The following ASIC2 variants were observed in gnomAD, a reference collection of about 807,000 sequenced individuals.
ASIC2 encodes the protein acid-sensing ion channel 2.
Under a neutral mutation model 57.3 loss-of-function variants are expected in ASIC2, and 25 were observed. The observed-to-expected ratio is 0.44, with a 90% CI of 0.32 to 0.61. The LOEUF (loss-of-function observed/expected upper bound fraction) is 0.61. Among genes scored for constraint, ASIC2 ranks in the 20% least tolerant of loss-of-function variants. The pLI is 0.06. For missense variants in ASIC2, 641 were observed against 738.1 expected (o/e 0.87, Z 1.52); for synonymous variants, 319 against 307.5 (o/e 1.04, Z -0.39).
At chr17:33,138,733 A>G (rs559250970) in intron 1 of ASIC2, among the ~76,000 whole-genome samples, 1 of 145,692 alleles carries the variant, frequency 6.9e-6, no homozygotes, top group South Asian at 2.3e-4. Context: ...TTTGATTTTT[A>G]GACATGCCAG....
At chr17:34,002,198 T>C (rs960878601) in intron 1 of ASIC2, 2 of 152,262 alleles carry the variant, frequency 1.3e-5, no homozygotes, top group African/African-American at 4.8e-5. Context: ...AAACCACATT[T>C]CTGCTTTTCC....
intron 1 of ASIC2, among the ~76,000 whole-genome samples, chr17:33,270,364 C>G (rs1904435661): frequency 6.6e-6 from 1 of 152,326 alleles, no homozygotes; most frequent in South Asian, 2.1e-4. Flanking sequence ...TCCCTGGCTT[C>G]TCTCCTTGCC....
chr17:33,599,937 A>G (rs1784147680), intron 1 of ASIC2, among the ~76,000 whole-genome samples: 1 of 152,010 alleles, frequency 6.6e-6, no homozygotes. Flanking sequence ...GTAACCCTTG[A>G]TTCTTCTTTT....
At chr17:34,018,982 A>G (rs1324443424) in intron 1 of ASIC2, among the ~76,000 whole-genome samples, 1 of 151,772 alleles carries the variant, frequency 6.6e-6, no homozygotes, top group Non-Finnish European at 1.5e-5. Context: ...ATCTTGGCTC[A>G]CTGCAAGCTC....
intron 1 of ASIC2, among the ~76,000 whole-genome samples, chr17:34,138,733 C>T (rs73988505): frequency 0.048 from 7,300 of 152,210 alleles, 568 homozygotes; most frequent in African/African-American, 0.17. Context: ...GCCTTGACTA[C>T]GGCTGAGTGG....
chr17:33,239,607 G>A (rs1908429710), intron 1 of ASIC2, among the ~76,000 whole-genome samples: 1 of 152,186 alleles, frequency 6.6e-6, no homozygotes, highest in Admixed American at 6.5e-5. Context: ...ATAAATAAAT[G>A]AGGATTCTTA....
intron 1 of ASIC2, among the ~76,000 whole-genome samples, chr17:33,237,855 C>T (rs1908354196): frequency 1.3e-5 from 2 of 152,180 alleles, no homozygotes; most frequent in Non-Finnish European, 2.9e-5. Context: ...TTCTGGGAGT[C>T]TCAGTCTTCT....
chr17:33,418,028 ATGTGTGTGTGTGTG>A lies in ASIC2; in HGVS notation c.556-305975_556-305962del, dbSNP rs1161141315. On this transcript the variant is annotated intron_variant, in intron 1 of 9. Coordinates refer to the ASIC2 transcript ENST00000359872. ...CCACTCTGGCTCTCAGCATGTATGT[ATGTGTGTGTGTGTG>A]TGTGTGTGTGTGTGTGTGTGTGTGT... Among the ~76,000 whole-genome samples the A allele has an allele frequency of 1.0e-3, 70 of 67,828 alleles. No individual in the cohort carries two copies. In the South Asian group the frequency reaches 0.02, roughly 19 times the overall value. 44.5% of individuals were successfully genotyped at this position (67,828 alleles called of 152,430 possible). A position where few individuals can be genotyped will look rare whatever the true frequency, so the allele number is the denominator to read the frequency against.
intron 1 of ASIC2, among the ~76,000 whole-genome samples, chr17:33,256,547 C>T (rs952181988): frequency 2.0e-5 from 3 of 152,140 alleles, no homozygotes; most frequent in Admixed American, 6.5e-5. Context: ...TAGGGCCAGG[C>T]ACGGTGGCTC....
intron 1 of ASIC2, among the ~76,000 whole-genome samples, chr17:33,765,273 T>A (rs1361419750): frequency 6.6e-6 from 1 of 150,726 alleles, no homozygotes; most frequent in Admixed American, 6.6e-5. Context: ...GCCCAGCTAA[T>A]TTTTTTTTGT....
intron 1 of ASIC2, among the ~76,000 whole-genome samples, chr17:34,059,906 C>A (rs144185239): frequency 6.6e-5 from 10 of 152,314 alleles, no homozygotes; most frequent in Non-Finnish European, 1.5e-4. Flanking sequence ...TGTTCCCTAC[C>A]CACCCTGGTA....
chr17:33,074,890 G>A (rs1483864911), intron 3 of ASIC2, among the ~76,000 whole-genome samples: 2 of 152,200 alleles, frequency 1.3e-5, no homozygotes, highest in South Asian at 2.1e-4. Flanking sequence ...GATGGTGAGC[G>A]TGGTGGCTCC....
chr17:34,126,432 C>G (rs555556605), intron 1 of ASIC2, among the ~76,000 whole-genome samples: 1 of 152,266 alleles, frequency 6.6e-6, no homozygotes, highest in South Asian at 2.1e-4. Flanking sequence ...GCCTGCTTTT[C>G]CCAGACTCCA....
chr17:33,849,827 CT>C (rs1357215004), intron 1 of ASIC2, among the ~76,000 whole-genome samples: 1 of 152,068 alleles, frequency 6.6e-6, no homozygotes, highest in Non-Finnish European at 1.5e-5. Flanking sequence ...TCAATAAGGG[CT>C]TTTTTCAAAG....
rs150533431 is a variant in ASIC2 at position 33,648,535 on chromosome 17, T to C, written c.555+507443A>G. On this transcript the variant is annotated intron_variant, in intron 1 of 9. Transcript: ENST00000359872. Reference sequence around the variant, plus strand: ...TGGGGCCTCAAATCTGCAAACGCCTTATGTGGGCAAGGATCTTTCTAAGAC... The same window carrying C: ...TGGGGCCTCAAATCTGCAAACGCCTCATGTGGGCAAGGATCTTTCTAAGAC... Among the ~76,000 whole-genome samples the C allele has an allele frequency of 4.1e-3, 627 of 152,318 alleles. 5 individuals carry two copies. The highest frequency in any genetic ancestry group is 0.033 in the South Asian group (157 of 4,830).
intron 1 of ASIC2, among the ~76,000 whole-genome samples, chr17:33,120,471 G>A (rs1165972606): frequency 1.3e-5 from 2 of 152,230 alleles, no homozygotes. Context: ...GGACAAATGT[G>A]TTCTCCTGGC....
At chr17:33,237,804 A>G (rs1908352958) in intron 1 of ASIC2, among the ~76,000 whole-genome samples, 1 of 152,176 alleles carries the variant, frequency 6.6e-6, no homozygotes, top group African/African-American at 2.4e-5. Context: ...TGGTGTTGCT[A>G]TTGCTAATGC....
chr17:33,945,796 T>C (rs1007453285), intron 1 of ASIC2, among the ~76,000 whole-genome samples: 1 of 152,164 alleles, frequency 6.6e-6, no homozygotes, highest in African/African-American at 2.4e-5. Flanking sequence ...TTTGCTTGCA[T>C]CCAGAGCCAG....
intron 1 of ASIC2, among the ~76,000 whole-genome samples, chr17:33,438,283 A>G (rs1335585440): frequency 6.6e-6 from 1 of 152,230 alleles, no homozygotes; most frequent in Non-Finnish European, 1.5e-5. Flanking sequence ...TTTACAGAAC[A>G]GTAATTGCTT....
Sources: gnomAD v4.1 joint callset for allele counts (sites outside exome capture counted in the v4.1 genomes callset) on GRCh38, gnomAD v4.1.1 for gene constraint, MANE v1.5 for transcripts, NCBI Gene and HGNC (gene_info 2026-07-23, HGNC 2026-07-21) for gene names.